The following SIPA1L1 variants were observed in gnomAD, a reference collection of about 807,000 sequenced individuals.
SIPA1L1 encodes the protein signal-induced proliferation-associated 1-like protein 1.
SIPA1L1 carries 26 observed loss-of-function variants against 162.7 expected under a neutral mutation model. That is an observed-to-expected ratio of 0.16 (90% CI 0.12 to 0.22). The LOEUF is 0.22. SIPA1L1 is among the 10% of genes least tolerant of loss of function. The pLI is 1.00. For missense variants in SIPA1L1, 1,874 were observed against 2,241.0 expected, an observed-to-expected ratio of 0.84 and a Z score of 3.31; for synonymous variants, 829 against 837.4, an observed-to-expected ratio of 0.99 and a Z score of 0.17.
chr14:71,421,669 GT>G (rs1377395757), intron 2 of SIPA1L1, among the ~76,000 whole-genome samples: 1 of 152,118 alleles, frequency 6.6e-6, no homozygotes, highest in Non-Finnish European at 1.5e-5. Flanking sequence ...CAACAGATTG[GT>G]TATTTCTTTC....
intron 3 of SIPA1L1, among the ~76,000 whole-genome samples, chr14:71,514,829 C>G (rs1455779874): frequency 1.3e-5 from 2 of 152,172 alleles, no homozygotes; most frequent in Non-Finnish European, 2.9e-5. Flanking sequence ...ACCATCACAC[C>G]TAGTGTGCTC....
intron 20 of SIPA1L1, among the ~76,000 whole-genome samples, chr14:71,732,305 T>G (rs2084866392): frequency 6.6e-6 from 1 of 152,226 alleles, no homozygotes; most frequent in Non-Finnish European, 1.5e-5. Flanking sequence ...ATATTCTAGC[T>G]GAGCATTTAG....
chr14:71,706,761 C>A (rs1362631028), intron 16 of SIPA1L1, among the ~76,000 whole-genome samples: 2 of 152,072 alleles, frequency 1.3e-5, no homozygotes, highest in African/African-American at 4.8e-5. Context: ...TGGCTGGGTA[C>A]GGTGGCTCAC....
chr14:71,506,041 C>T (rs545652762), intron 2 of SIPA1L1, among the ~76,000 whole-genome samples: 28 of 148,680 alleles, frequency 1.9e-4, no homozygotes, highest in Non-Finnish European at 3.6e-4. Flanking sequence ...ATAAGGGATA[C>T]TCATCCTGTA....
At chr14:71,617,404 A>G (rs756937792) in intron 5 of SIPA1L1, among the ~76,000 whole-genome samples, 2 of 152,254 alleles carry the variant, frequency 1.3e-5, no homozygotes, top group Non-Finnish European at 2.9e-5. Context: ...GAGGATATGC[A>G]TAAGTGTCTG....
chr14:71,496,317 G>A (rs2049775312), intron 2 of SIPA1L1, among the ~76,000 whole-genome samples: 1 of 151,906 alleles, frequency 6.6e-6, no homozygotes, highest in East Asian at 1.9e-4. Flanking sequence ...AATAAAAATT[G>A]TATTAATGAT....
At chr14:71,404,362 G>A (rs1168148726) in intron 2 of SIPA1L1, among the ~76,000 whole-genome samples, 1 of 152,132 alleles carries the variant, frequency 6.6e-6, no homozygotes, top group Non-Finnish European at 1.5e-5. Flanking sequence ...TGGCCAACAT[G>A]GTGAAACCCT....
At chr14:71,676,621 C>A (rs1267287437) in intron 12 of SIPA1L1, among the ~76,000 whole-genome samples, 22 of 107,012 alleles carry the variant, frequency 2.1e-4, no homozygotes, top group African/African-American at 7.8e-4. Flanking sequence ...GCTATCCCTC[C>A]CCCCTCCCCC....
chr14:71,325,769 G>T (rs1398058161), intron 2 of SIPA1L1, among the ~76,000 whole-genome samples: 2 of 152,234 alleles, frequency 1.3e-5, no homozygotes, highest in South Asian at 4.1e-4. Context: ...TCTGGGATGA[G>T]AAATTTCAAC....
intron 4 of SIPA1L1, among the ~76,000 whole-genome samples, chr14:71,557,110 A>G (rs183542131): frequency 6.6e-6 from 1 of 152,346 alleles, no homozygotes; most frequent in African/African-American, 2.4e-5. Context: ...CACCATACCC[A>G]TTAATACTTC....
chr14:71,642,644 C>T (rs1270257210), intron 7 of SIPA1L1, among the ~76,000 whole-genome samples: 2 of 152,128 alleles, frequency 1.3e-5, no homozygotes, highest in Non-Finnish European at 2.9e-5. Context: ...CAGCACCCAA[C>T]AAGGTAATAT....
chr14:71,480,005 C>T (rs1207857576), intron 2 of SIPA1L1, among the ~76,000 whole-genome samples: 1 of 152,150 alleles, frequency 6.6e-6, no homozygotes, highest in African/African-American at 2.4e-5. Context: ...TCCAAAAATG[C>T]TGGGATTACA....
At chr14:71,476,815 C>G (rs111991847) in intron 2 of SIPA1L1, among the ~76,000 whole-genome samples, 2,745 of 151,906 alleles carry the variant, frequency 0.018, 31 homozygotes, top group African/African-American at 0.027. Context: ...GTAGCTGGGA[C>G]TACAGGCGCC....
intron 2 of SIPA1L1, among the ~76,000 whole-genome samples, chr14:71,358,831 A>G (rs2037526175): frequency 6.6e-6 from 1 of 152,086 alleles, no homozygotes; most frequent in South Asian, 2.1e-4. Context: ...AGGAAGAGAG[A>G]GAGTGGGAAG....
Position 71,709,383 on chromosome 14 carries a change from C to T in SIPA1L1, c.3927C>T (p.Thr1309=). 1 of 1,614,198 alleles carries T rather than the reference C, an allele frequency of 6.2e-7. No individual in the cohort carries two copies. The highest frequency in any genetic ancestry group is 1.3e-5 in the African/African-American group (1 of 75,044). Reference sequence around the variant, plus strand: ...CCTCTGCTGACAGTGGCATTGACACCACCTCTTATGGCCCCAGCCACGGCA... The same window carrying T: ...CCTCTGCTGACAGTGGCATTGACACTACCTCTTATGGCCCCAGCCACGGCA... The part of the protein sequence containing the change: ...QGTSADSGID[T]TSYGPSHGST... The change falls in exon 17 of 24, where the codon ACC becomes ACT. Residue 1309 remains threonine (T), a synonymous_variant. Coordinates refer to ENST00000381232, the MANE Select transcript of SIPA1L1 (RefSeq NM_001386936.1).
At chr14:71,674,933 G>A (rs957222059) in intron 12 of SIPA1L1, among the ~76,000 whole-genome samples, 1 of 152,176 alleles carries the variant, frequency 6.6e-6, no homozygotes, top group Non-Finnish European at 1.5e-5. Flanking sequence ...ACAAATTTAG[G>A]TCTAACATCA....
chr14:71,372,294 A>G (rs2038962628), intron 2 of SIPA1L1, among the ~76,000 whole-genome samples: 1 of 152,168 alleles, frequency 6.6e-6, no homozygotes, highest in Admixed American at 6.5e-5. Flanking sequence ...AACCTTGGGC[A>G]TTCTGCTCTG....
chr14:71,627,880 A>G (rs975079129), intron 7 of SIPA1L1, among the ~76,000 whole-genome samples: 1 of 152,318 alleles, frequency 6.6e-6, no homozygotes, highest in Non-Finnish European at 1.5e-5. Context: ...TCCCATTTAC[A>G]TATCTCGAAT....
chr14:71,565,174 T>C (rs2030152708), intron 4 of SIPA1L1, among the ~76,000 whole-genome samples: 2 of 152,246 alleles, frequency 1.3e-5, no homozygotes, highest in Non-Finnish European at 2.9e-5. Flanking sequence ...TTTATCCTAA[T>C]GTCTTCCATT....
Sources: gnomAD v4.1 joint callset for allele counts (sites outside exome capture counted in the v4.1 genomes callset) on GRCh38, gnomAD v4.1.1 for gene constraint, MANE v1.5 for transcripts, NCBI Gene and HGNC (gene_info 2026-07-23, HGNC 2026-07-21) for gene names.